The following LYPD6B variants were observed in gnomAD, a reference collection of about 807,000 sequenced individuals.
The protein encoded by LYPD6B is LY6/PLAUR domain containing 6B.
In LYPD6B, 17 loss-of-function variants were observed where a neutral mutation model predicts 22.8. The observed-to-expected ratio is 0.75, with a 90% CI of 0.51 to 1.12. The LOEUF (loss-of-function observed/expected upper bound fraction) is 1.12. Ranked by LOEUF, LYPD6B falls within the 50% of genes most tolerant of loss-of-function variation. LYPD6B has a pLI of 0.00. For synonymous variants in LYPD6B, 106 were observed against 91.6 expected (o/e 1.16, Z -0.90); for missense variants, 221 against 258.3 (o/e 0.86, Z 0.99).
At chr2:149,147,812 C>T (rs1162650048) in intron 2 of LYPD6B, among the ~76,000 whole-genome samples, 2 of 151,852 alleles carry the variant, frequency 1.3e-5, no homozygotes, top group Non-Finnish European at 2.9e-5. Context: ...CTGCGCCCAG[C>T]CTTGTGTGAT....
intron 1 of LYPD6B, among the ~76,000 whole-genome samples, chr2:149,096,323 C>T (rs1162327504): frequency 6.6e-6 from 1 of 152,140 alleles, no homozygotes; most frequent in Admixed American, 6.6e-5. Flanking sequence ...GATGTCAGGT[C>T]TGAGGAGGTC....
chr2:149,207,906 T>A (rs920706802), intron 4 of LYPD6B, among the ~76,000 whole-genome samples: 16 of 152,132 alleles, frequency 1.1e-4, no homozygotes, highest in Non-Finnish European at 2.4e-4. Context: ...ACAACTAATC[T>A]GTGGGGAGAA....
At chr2:149,144,255 G>T (rs1688875069) in intron 2 of LYPD6B, among the ~76,000 whole-genome samples, 1 of 152,162 alleles carries the variant, frequency 6.6e-6, no homozygotes. Context: ...TACAAGCTCA[G>T]AATGATTTGT....
chr2:149,048,925 A>G (rs760054445), intron 1 of LYPD6B, among the ~76,000 whole-genome samples: 16 of 152,156 alleles, frequency 1.1e-4, no homozygotes, highest in Non-Finnish European at 4.4e-5. Context: ...GGAAACACAG[A>G]TTTTGGGCCC....
At chr2:149,087,665 G>C (rs1685461241) in intron 1 of LYPD6B, among the ~76,000 whole-genome samples, 2 of 152,146 alleles carry the variant, frequency 1.3e-5, no homozygotes, top group South Asian at 4.1e-4. Flanking sequence ...CCTACTAACA[G>C]GTACTCACAG....
At chr2:149,064,010 T>C (rs1025114957) in intron 1 of LYPD6B, among the ~76,000 whole-genome samples, 1 of 152,232 alleles carries the variant, frequency 6.6e-6, no homozygotes, top group Non-Finnish European at 1.5e-5. Context: ...CCATAGCAGA[T>C]AGATGCGGAA....
rs951441196 is a variant in LYPD6B, at chr2:149,146,204, G to A, written c.6-14560G>A. Among the ~76,000 whole-genome samples, 113 of 152,334 alleles carry A rather than the reference G, an allele frequency of 7.4e-4. 1 individual carries two copies. The highest frequency in any genetic ancestry group is 8.3e-4 in the South Asian group (4 of 4,828). On this transcript the variant is annotated intron_variant, in intron 2 of 6. Coordinates refer to ENST00000409642, the MANE Select transcript of LYPD6B (RefSeq NM_177964.5). ...CAAGCACGTGCAAAATTGCAATGAC[G>A]TGGCGTGCTCATGGGGGAATGAAGA...
chr2:149,069,266 C>G (rs1244461036), intron 1 of LYPD6B, among the ~76,000 whole-genome samples: 1 of 151,896 alleles, frequency 6.6e-6, no homozygotes, highest in Non-Finnish European at 1.5e-5. Context: ...TTTAGTTTTT[C>G]TTATCATTAC....
rs552036265 is a variant in LYPD6B, at chr2:149,047,622, C to A, written c.-67+8821C>A. Among the ~76,000 whole-genome samples, 9 of 151,720 alleles carry A rather than the reference C, an allele frequency of 5.9e-5. No individual in the cohort carries two copies. The South Asian group carries it at 1.9e-3, about 32-fold the overall frequency. Reference sequence around the variant, plus strand: ...GTGCACACTCTTGATATTTATCATACCTGATGTTCTTGAGCTCCTTGGATC... The same window carrying A: ...GTGCACACTCTTGATATTTATCATAACTGATGTTCTTGAGCTCCTTGGATC... On this transcript the variant is annotated intron_variant, in intron 1 of 6. Transcript: ENST00000409642.
At chr2:149,206,029 C>T (rs550797099) in intron 4 of LYPD6B, 20 of 468,384 alleles carry the variant, frequency 4.3e-5, no homozygotes, top group Non-Finnish European at 7.1e-5. Context: ...ACAAGTAAAA[C>T]GTCTTTGATA....
intron 1 of LYPD6B, among the ~76,000 whole-genome samples, chr2:149,072,388 G>C (rs1303204057): frequency 6.6e-6 from 1 of 151,378 alleles, no homozygotes; most frequent in Non-Finnish European, 1.5e-5. Context: ...TGGTGAAGAG[G>C]ATAATAAACA....
chr2:149,068,757 T>C (rs878931354), intron 1 of LYPD6B: 2 of 514,208 alleles, frequency 3.9e-6, no homozygotes, highest in Non-Finnish European at 7.9e-6. Context: ...AGGGATATCA[T>C]GTTAGAATAC....
At chr2:149,040,282 T>A (rs1044208682) in intron 1 of LYPD6B, among the ~76,000 whole-genome samples, 4 of 151,218 alleles carry the variant, frequency 2.6e-5, no homozygotes, top group African/African-American at 9.7e-5. Flanking sequence ...AGTGCAGTGG[T>A]GTGATCTCGG....
At chr2:149,093,051 T>C (rs1217637395) in intron 1 of LYPD6B, among the ~76,000 whole-genome samples, 1 of 152,074 alleles carries the variant, frequency 6.6e-6, no homozygotes, top group African/African-American at 2.4e-5. Context: ...TTGGAAACAG[T>C]ATTCTGAGAA....
chr2:149,125,185 C>T (rs1687624282), intron 1 of LYPD6B, among the ~76,000 whole-genome samples: 1 of 152,146 alleles, frequency 6.6e-6, no homozygotes, highest in Non-Finnish European at 1.5e-5. Context: ...CATCTTACCT[C>T]CCAGTCAGTG....
chr2:149,213,469 G>C (rs991644939), intron 6 of LYPD6B, among the ~76,000 whole-genome samples: 23 of 152,148 alleles, frequency 1.5e-4, no homozygotes, highest in Non-Finnish European at 2.5e-4. Flanking sequence ...GATGAGGAAG[G>C]GAGTCTGAAG....
At chr2:149,052,825 A>T (rs1380080281) in intron 1 of LYPD6B, among the ~76,000 whole-genome samples, 1 of 152,212 alleles carries the variant, frequency 6.6e-6, no homozygotes, top group South Asian at 2.1e-4. Context: ...TATTCTAAAC[A>T]TTTATGTTTA....
chr2:149,186,643 C>T (rs899602291), intron 3 of LYPD6B, among the ~76,000 whole-genome samples: 3 of 152,174 alleles, frequency 2.0e-5, no homozygotes, highest in Admixed American at 1.3e-4. Flanking sequence ...CTCACTCTGT[C>T]ACTCAGGCTG....
intron 1 of LYPD6B, among the ~76,000 whole-genome samples, chr2:149,130,090 C>T (rs1347183792): frequency 6.6e-6 from 1 of 152,154 alleles, no homozygotes; most frequent in Non-Finnish European, 1.5e-5. Flanking sequence ...CGCTGAACGG[C>T]AGCTTTTCTC....
Sources: allele counts gnomAD v4.1 joint callset (sites outside exome capture counted in the v4.1 genomes callset), GRCh38; gene constraint gnomAD v4.1.1; transcripts MANE v1.5; gene names NCBI Gene and HGNC (gene_info 2026-07-23, HGNC 2026-07-21).